Variants in TAFA1 observed in about 807,000 individuals in gnomAD.
TAFA1 encodes chemokine-like protein TAFA-1.
A neutral mutation model predicts 18.5 loss-of-function variants in TAFA1; 4 were observed. That is an observed-to-expected ratio of 0.22 (90% CI 0.11 to 0.49). The LOEUF (loss-of-function observed/expected upper bound fraction) is 0.49, where lower values mean the gene tolerates loss of function less well. TAFA1 is among the 20% of genes least tolerant of loss of function. The pLI, the probability that TAFA1 is intolerant of heterozygous loss-of-function variation, is 0.98. For synonymous variants in TAFA1, 56 were observed against 55.2 expected, an observed-to-expected ratio of 1.01 and a Z score of -0.06; for missense variants, 147 against 169.0, an observed-to-expected ratio of 0.87 and a Z score of 0.72.
intron 2 of TAFA1, among the ~76,000 whole-genome samples, chr3:68,255,246 C>G (rs1186057944): frequency 1.3e-5 from 2 of 152,038 alleles, no homozygotes; most frequent in Non-Finnish European, 2.9e-5. Context: ...TCTCAAATAA[C>G]TTTTTATTAA....
At chr3:68,332,879 A>G (rs2068906330) in intron 2 of TAFA1, among the ~76,000 whole-genome samples, 1 of 152,236 alleles carries the variant, frequency 6.6e-6, no homozygotes, top group South Asian at 2.1e-4. Context: ...TAGAACACAC[A>G]GCCAATAACC....
intron 2 of TAFA1, among the ~76,000 whole-genome samples, chr3:68,217,119 T>C (rs1389604482): frequency 1.3e-5 from 2 of 152,086 alleles, no homozygotes; most frequent in Non-Finnish European, 2.9e-5. Flanking sequence ...TAGAGAAACC[T>C]GGCAAAGATT....
At chr3:68,244,177 G>A (rs2067036836) in intron 2 of TAFA1, among the ~76,000 whole-genome samples, 1 of 152,132 alleles carries the variant, frequency 6.6e-6, no homozygotes, top group African/African-American at 2.4e-5. Context: ...TGTCACATAT[G>A]TGATTTGCAA....
chr3:68,061,326 T>C (rs529680186), intron 2 of TAFA1, among the ~76,000 whole-genome samples: 14 of 152,342 alleles, frequency 9.2e-5, no homozygotes, highest in African/African-American at 2.9e-4. Flanking sequence ...GCTTGATAAA[T>C]TTCTCTGTTT....
Position 68,423,040 on chromosome 3 carries a change from C to T in TAFA1, c.259+5620C>T, listed in dbSNP as rs536123726. On this transcript the variant is annotated intron_variant, in intron 3 of 4. Transcript: ENST00000478136. ...CCTATTTATTTGAGAACAATTTTTC[C>T]AAGCAAATGATTTAAAACAAACAAA... 4.6e-5 allele frequency among the ~76,000 whole-genome samples: 7 copies of T among 151,930 alleles called. No homozygotes were observed. The East Asian group carries it at 1.2e-3, about 25-fold the overall frequency.
At chr3:68,030,740 TA>T (rs1704917126) in intron 2 of TAFA1, among the ~76,000 whole-genome samples, 2 of 152,174 alleles carry the variant, frequency 1.3e-5, no homozygotes, top group Admixed American at 1.3e-4. Flanking sequence ...TATGTGTCTT[TA>T]TAGTAGAATG....
At chr3:68,174,105 T>C (rs572855224) in intron 2 of TAFA1, among the ~76,000 whole-genome samples, 1 of 152,184 alleles carries the variant, frequency 6.6e-6, no homozygotes, top group Non-Finnish European at 1.5e-5. Flanking sequence ...CCATTCCAGA[T>C]CTACAGAATC....
chr3:68,227,348 A>G (rs2066814850), intron 2 of TAFA1, among the ~76,000 whole-genome samples: 1 of 152,206 alleles, frequency 6.6e-6, no homozygotes, highest in Admixed American at 6.5e-5. Context: ...CCTGCTAAAA[A>G]GCAATGAAAT....
At chr3:68,062,112 A>G (rs909007703) in intron 2 of TAFA1, among the ~76,000 whole-genome samples, 2 of 152,160 alleles carry the variant, frequency 1.3e-5, no homozygotes, top group Non-Finnish European at 2.9e-5. Context: ...CTTAGTGACT[A>G]TCACTTATTT....
chr3:68,270,260 G>T (rs2067638338), intron 2 of TAFA1, among the ~76,000 whole-genome samples: 1 of 152,112 alleles, frequency 6.6e-6, no homozygotes, highest in African/African-American at 2.4e-5. Flanking sequence ...GAAATGGTGG[G>T]TACTCAGTGG....
At chr3:68,501,696 A>G (rs1032339344) in intron 3 of TAFA1, among the ~76,000 whole-genome samples, 1 of 152,158 alleles carries the variant, frequency 6.6e-6, no homozygotes, top group Non-Finnish European at 1.5e-5. Context: ...TAATTTACAA[A>G]CTGCAGGTTA....
rs2068837678 is a variant in TAFA1 at position 68,329,992 on chromosome 3, C to G, written c.119-87288C>G. On this transcript the variant is annotated intron_variant, in intron 2 of 4. Transcript: ENST00000478136. ...TAAGTACATGCATACACATTGGATACACACATAAACTGAAGTACTCTTGTG... is the reference window on the plus strand; with the variant it reads ...TAAGTACATGCATACACATTGGATAGACACATAAACTGAAGTACTCTTGTG... Among the ~76,000 whole-genome samples, 8 of 151,498 alleles carry G rather than the reference C, an allele frequency of 5.3e-5. No individual in the cohort carries two copies. In the South Asian group the frequency reaches 1.7e-3, roughly 32 times the overall value.
At chr3:68,287,100 A>T (rs2068023388) in intron 2 of TAFA1, among the ~76,000 whole-genome samples, 1 of 152,198 alleles carries the variant, frequency 6.6e-6, no homozygotes, top group African/African-American at 2.4e-5. Flanking sequence ...GGGGCTCTGC[A>T]TGTCCAAGTG....
chr3:68,284,455 C>A (rs2067959301), intron 2 of TAFA1, among the ~76,000 whole-genome samples: 1 of 152,184 alleles, frequency 6.6e-6, no homozygotes, highest in Non-Finnish European at 1.5e-5. Context: ...GAATATATAT[C>A]TTTCCTCTGA....
intron 2 of TAFA1, among the ~76,000 whole-genome samples, chr3:68,377,963 G>T (rs1019198980): frequency 6.6e-6 from 1 of 152,186 alleles, no homozygotes; most frequent in African/African-American, 2.4e-5. Flanking sequence ...ATTGAGGTTT[G>T]GGATCCTCTG....
chr3:68,043,665 G>A (rs1705212379), intron 2 of TAFA1, among the ~76,000 whole-genome samples: 1 of 152,050 alleles, frequency 6.6e-6, no homozygotes, highest in South Asian at 2.1e-4. Flanking sequence ...CTGCTTGCAG[G>A]ATTTAAACAT....
intron 2 of TAFA1, among the ~76,000 whole-genome samples, chr3:68,226,820 G>A (rs187685577): frequency 1.1e-3 from 170 of 152,216 alleles, no homozygotes; most frequent in Admixed American, 4.9e-3. Flanking sequence ...CTTCCCAGCT[G>A]AGCCCCCATC....
intron 3 of TAFA1, among the ~76,000 whole-genome samples, chr3:68,524,369 G>T (rs2073073672): frequency 2.0e-5 from 3 of 152,072 alleles, no homozygotes; most frequent in African/African-American, 7.2e-5. Context: ...CAGATAGAAG[G>T]GCTGGCAAAA....
chr3:68,004,215 T>C (rs1292147122), upstream of TAFA1: 1 of 152,226 alleles, frequency 6.6e-6, no homozygotes, highest in Non-Finnish European at 1.5e-5. Context: ...TTAAGACATG[T>C]GATACTTTAG....
Sources: allele counts gnomAD v4.1 joint callset (sites outside exome capture counted in the v4.1 genomes callset), GRCh38; gene constraint gnomAD v4.1.1; transcripts MANE v1.5; gene names NCBI Gene and HGNC (gene_info 2026-07-23, HGNC 2026-07-21).